The following DISP3 variants were observed in gnomAD, a reference collection of about 807,000 sequenced individuals.
The protein encoded by DISP3 is dispatched RND transporter family member 3, also known as protein dispatched homolog 3.
Under a neutral mutation model 135.3 loss-of-function variants are expected in DISP3, and 101 were observed. The ratio of observed to expected loss-of-function variants is 0.75; its 90% CI spans 0.64 to 0.88. DISP3 has a LOEUF of 0.88. DISP3 is among the 40% of genes least tolerant of loss of function. DISP3 has a pLI of 0.00. For missense variants in DISP3, 1,713 were observed against 1,878.6 expected, an observed-to-expected ratio of 0.91 and a Z score of 1.63; for synonymous variants, 856 against 817.0, an observed-to-expected ratio of 1.05 and a Z score of -0.81.
rs1373512972 is a variant in DISP3, at chr1:11,515,439, G to A, written c.1524G>A (p.Val508=). ...SCLVALFLYH[V]VFGIQYLGIL... ...TGGTGGCCCTCTTCCTGTACCACGT[G>A]GTCTTTGGTATCCAGTACTTGGGCA... The change falls in exon 5 of 21, where the codon GTG becomes GTA. Residue 508 remains valine (V), a synonymous_variant. Transcript: ENST00000294484. The A allele has an allele frequency of 6.2e-7, 1 of 1,613,830 alleles. No homozygotes were observed. The highest frequency in any genetic ancestry group is 8.5e-7 in the Non-Finnish European group (1 of 1,179,880).
Position 11,526,739 on chromosome 1 carries a change from G to C in DISP3, c.2702G>C (p.Arg901Pro). 17 of 1,614,044 alleles carry C rather than the reference G, an allele frequency of 1.1e-5. No individual in the cohort carries two copies. The highest frequency in any genetic ancestry group is 1.4e-5 in the Non-Finnish European group (17 of 1,180,046). Residue 901 changes from arginine to proline, a missense_variant, in exon 13 of 21, where the codon CGC (arginine) becomes CCC (proline). Arg to Pro is a moderately radical substitution (Grantham distance 103, BLOSUM62 -2). Around this residue, in one of 2 missense-constraint regions of DISP3, gnomAD observed 1,142 missense variants for 1,384.6 expected, o/e 0.82. Transcript: ENST00000294484. ...VGLLQAASPS[R>P]KWMLTTLACD... ...CTGCTCCAGGCGGCGAGCCCCTCCC[G>C]CAAGTGGATGCTGACGACCTTGGCC...
Position 11,499,745 on chromosome 1 carries a change from C to G in DISP3, c.-3-1245C>G, listed in dbSNP as rs1641448210. Among the ~76,000 whole-genome samples the G allele has an allele frequency of 6.6e-6, 1 of 152,108 alleles. No homozygotes were observed. Reference sequence around the variant, plus strand: ...CTCCCTTCGGTCTCTCTCCTCTTTTCCTCTGTCTCTGTCTCTGTTTCCCTC... The same window carrying G: ...CTCCCTTCGGTCTCTCTCCTCTTTTGCTCTGTCTCTGTCTCTGTTTCCCTC... On this transcript the variant is annotated intron_variant, in intron 1 of 20. Transcript: ENST00000294484. The surrounding 1 kb of genome is among the most constrained non-coding windows in gnomAD (Gnocchi z 5.2).
In DISP3 at chr1:11,535,386, C is replaced by G. The variant is rs546879341; in HGVS notation, c.3650-92C>G. Reference sequence around the variant, plus strand: ...CGGTGTGCCTTGTTTCTCCTGTCACCTGAGGGTGGGGGCTGGACTCCAGAC... The same window carrying G: ...CGGTGTGCCTTGTTTCTCCTGTCACGTGAGGGTGGGGGCTGGACTCCAGAC... On this transcript the variant is annotated intron_variant, in intron 19 of 20. Transcript: ENST00000294484. 9.7e-5 allele frequency: 144 copies of G among 1,491,578 alleles called. 1 individual carries two copies. The East Asian group carries it at 2.5e-3, about 26-fold the overall frequency. 92.4% of individuals were successfully genotyped at this position (1,491,578 alleles called of 1,614,324 possible).
chr1:11,515,583 C>T, intron 5 of DISP3, 80 bp downstream of exon 5: 1 of 1,519,508 alleles, frequency 6.6e-7, no homozygotes. Flanking sequence ...GGATACAAAG[C>T]CTGGCTTCCC....
Position 11,502,102 on chromosome 1 carries a change from A to T in DISP3, c.1096+14A>T. ...CGGACATCCGGGGTGAGCCGCCGGGATGCTGGGAGGGGGCGTAGGTCCAGG... is the reference window on the plus strand; with the variant it reads ...CGGACATCCGGGGTGAGCCGCCGGGTTGCTGGGAGGGGGCGTAGGTCCAGG... On this transcript the variant is annotated intron_variant, in intron 2 of 20. Coordinates refer to ENST00000294484, the MANE Select transcript of DISP3 (RefSeq NM_020780.2). The T allele has an allele frequency of 6.5e-7, 1 of 1,538,364 alleles. No homozygotes were observed. Among genetic ancestry groups the T allele is most frequent in the Non-Finnish European group, 8.7e-7 (1 of 1,144,440 alleles).
At chr1:11,534,253 C>A in intron 17 of DISP3, 128 bp from the exon 18 acceptor site, 2 of 1,147,762 alleles carry the variant, frequency 1.7e-6, no homozygotes, top group South Asian at 1.4e-5. Context: ...TGGATTGAAT[C>A]GTTGTTCACA....
intron 15 of DISP3, among the ~76,000 whole-genome samples, chr1:11,530,379 C>G (rs1372742799): frequency 6.6e-6 from 1 of 152,206 alleles, no homozygotes; most frequent in African/African-American, 2.4e-5. Flanking sequence ...CGGGACTGTT[C>G]TGGGCACGTA....
chr1:11,529,620 G>A lies in DISP3; in HGVS notation c.2863G>A (p.Gly955Ser), dbSNP rs377274817. Reference protein sequence around the residue: ...FHGRVCMAPPGCLLSSSPDGP... With the variant: ...FHGRVCMAPPSCLLSSSPDGP... ...CGGGCGCGTATGCATGGCACCCCCT[G>A]GCTGCCTGCTTAGCTCCAGCCCCGA... The change falls in exon 14 of 21, where the codon GGC becomes AGC. Residue 955 changes from glycine (G) to serine (S), a missense_variant. Transcript: ENST00000294484. This position sits in a 1 kb window ranked among gnomAD's most constrained non-coding sequence, Gnocchi z 4.7. The A allele has an allele frequency of 1.2e-6, 2 of 1,608,994 alleles. No homozygotes were observed. The highest frequency in any genetic ancestry group is 1.7e-6 in the Non-Finnish European group (2 of 1,176,236).
In DISP3 at chr1:11,515,218, T is replaced by C. The variant is rs892826328; in HGVS notation, c.1454-151T>C. 27 of 1,166,926 alleles carry C rather than the reference T, an allele frequency of 2.3e-5. No homozygotes were observed. The East Asian group carries it at 6.9e-4, about 30-fold the overall frequency. The allele number at this position is 1,166,926 out of a possible 1,614,324, so 72.3% of individuals were successfully genotyped here. On this transcript the variant is annotated intron_variant, in intron 4 of 20. Coordinates refer to ENST00000294484, the MANE Select transcript of DISP3 (RefSeq NM_020780.2). ...CCCTTTTTGGGTGTGGAAAACAGAA[T>C]TGGCCCTGTGCCTGTGCTGGGAACA...
rs547798544 is a variant in DISP3 at position 11,522,426 on chromosome 1, C to G, written c.2363-1516C>G. Among the ~76,000 whole-genome samples, 7 of 152,320 alleles carry G rather than the reference C, an allele frequency of 4.6e-5. No individual in the cohort carries two copies. In the East Asian group the frequency reaches 1.3e-3, roughly 29 times the overall value. On this transcript the variant is annotated intron_variant, in intron 10 of 20. Coordinates refer to ENST00000294484, the MANE Select transcript of DISP3 (RefSeq NM_020780.2). ...TGGCCACGTCCCCAGCTCCTCTACC[C>G]CACTGCCAGGATGTGGCATTGCTCC...
Position 11,519,915 on chromosome 1 carries a change from C to T in DISP3, c.2200+35C>T. 1 of 1,573,764 alleles carries T rather than the reference C, an allele frequency of 6.4e-7. No individual in the cohort carries two copies. The highest frequency in any genetic ancestry group is 8.6e-7 in the Non-Finnish European group (1 of 1,158,558). On this transcript the variant is annotated intron_variant, in intron 9 of 20. Coordinates refer to ENST00000294484, the MANE Select transcript of DISP3 (RefSeq NM_020780.2). The surrounding 1 kb of genome is among the most constrained non-coding windows in gnomAD (Gnocchi z 4.3). ...CCCTCCGGCCCTGCCCCCTGTCTCACAGCTCCACCCCCAAAACACACAGGA... is the reference window on the plus strand; with the variant it reads ...CCCTCCGGCCCTGCCCCCTGTCTCATAGCTCCACCCCCAAAACACACAGGA...
At chr1:11,534,755 C>A (rs1298168728) in intron 18 of DISP3, 1 of 784,248 alleles carries the variant, frequency 1.3e-6, no homozygotes, top group African/African-American at 1.7e-5. Context: ...TGGACTTTGG[C>A]CACCTAAAAA....
intron 13 of DISP3, among the ~76,000 whole-genome samples, chr1:11,527,074 A>G (rs2473471): frequency 0.15 from 22,586 of 151,838 alleles, 2,045 homozygotes; most frequent in East Asian, 0.46. Context: ...GGGATTACAG[A>G]CATGCACCAC....
chr1:11,519,535 C>T lies in DISP3; in HGVS notation c.2038+32C>T, dbSNP rs761297530. ...GCTGGCACAGGCCTGCCCTACTGAC[C>T]CCAGTGAGACCCAGCGCTGCCTCTG... On this transcript the variant is annotated intron_variant, in intron 8 of 20. Coordinates refer to ENST00000294484, the MANE Select transcript of DISP3 (RefSeq NM_020780.2). This position sits in a 1 kb window ranked among gnomAD's most constrained non-coding sequence, Gnocchi z 4.3. The T allele has an allele frequency of 1.9e-6, 3 of 1,608,270 alleles. No homozygotes were observed. Among genetic ancestry groups the T allele is most frequent in the Middle Eastern group, 1.7e-4 (1 of 6,036 alleles).
At chr1:11,505,858 A>G (rs1641683498) in intron 3 of DISP3, among the ~76,000 whole-genome samples, 3 of 152,190 alleles carry the variant, frequency 2.0e-5, no homozygotes, top group African/African-American at 7.2e-5. Context: ...TTGGTGTTCA[A>G]TACTTTGTAT....
intron 3 of DISP3, among the ~76,000 whole-genome samples, chr1:11,504,986 T>C (rs934570123): frequency 6.6e-6 from 1 of 152,246 alleles, no homozygotes; most frequent in African/African-American, 2.4e-5. Context: ...ATCCCAGTTA[T>C]TCAAATTATT....
In DISP3 at chr1:11,517,472, G is replaced by A. The variant is rs200212978; in HGVS notation, c.1759G>A (p.Val587Ile). Residue 587 changes from valine to isoleucine, a missense_variant, in exon 7 of 21, where the codon GTC becomes ATC. Val to Ile is a conservative substitution (Grantham distance 29). This residue lies in a region of DISP3 where 1,142 missense variants were observed against 1,384.6 expected (regional missense o/e 0.82). Transcript: ENST00000294484. ...TCCTTTCCATCACCAGATCCCAGCCGTCCACGACTTTGGCCTGTTCATGTC... is the reference window on the plus strand; with the variant it reads ...TCCTTTCCATCACCAGATCCCAGCCATCCACGACTTTGGCCTGTTCATGTC... ...AANVFSQIPA[V>I]HDFGLFMSLI... 87 of 1,614,138 alleles carry A rather than the reference G, an allele frequency of 5.4e-5. No homozygotes were observed. Among genetic ancestry groups the A allele is most frequent in the Admixed American group, 1.7e-4 (10 of 60,028 alleles).
At chr1:11,504,708 C>T (rs1380769716) in intron 3 of DISP3, among the ~76,000 whole-genome samples, 1 of 152,184 alleles carries the variant, frequency 6.6e-6, no homozygotes, top group Non-Finnish European at 1.5e-5. Context: ...GTCCCTTTTG[C>T]CTGTTCCCCC....
Position 11,531,097 on chromosome 1 carries a change from G to T in DISP3, c.3229+64G>T. The T allele has an allele frequency of 6.2e-7, 1 of 1,600,298 alleles. No individual in the cohort carries two copies. On this transcript the variant is annotated intron_variant, in intron 16 of 20. Transcript: ENST00000294484. The surrounding 1 kb of genome is among the most constrained non-coding windows in gnomAD (Gnocchi z 5.2). ...ATGGACTGACTGGGGAGGCACAGAG[G>T]CCGTGGTCCAAGGTAGACAGCCCGA...
Sources: allele counts gnomAD v4.1 joint callset (sites outside exome capture counted in the v4.1 genomes callset), GRCh38; gene constraint gnomAD v4.1.1; regional missense constraint gnomAD v4.1.1; non-coding constraint Gnocchi (gnomAD v3.1); transcripts MANE v1.5; gene names NCBI Gene and HGNC (gene_info 2026-07-23, HGNC 2026-07-21).